PLCL1: variants seen among roughly 807,000 people sequenced by gnomAD.
PLCL1 encodes phospholipase C like 1 (inactive), also known as inactive phospholipase C-like protein 1.
Under a neutral mutation model 84.4 loss-of-function variants are expected in PLCL1, and 41 were observed. The ratio of observed to expected loss-of-function variants is 0.49; its 90% CI spans 0.38 to 0.63. The LOEUF is 0.63. Among genes scored for constraint, PLCL1 ranks in the 30% least tolerant of loss-of-function variants. The probability of loss-of-function intolerance (pLI) is 0.00; values close to 1 mark genes in which losing one functional copy is unlikely to be tolerated. For synonymous variants in PLCL1, 490 were observed against 488.3 expected (o/e 1.00, Z -0.05); for missense variants, 1,206 against 1,367.8 (o/e 0.88, Z 1.87).
chr2:198,098,246 C>T (rs1693249437), intron 3 of PLCL1, among the ~76,000 whole-genome samples: 2 of 152,174 alleles, frequency 1.3e-5, no homozygotes, highest in Non-Finnish European at 2.9e-5. Context: ...CAAGCAATAG[C>T]TTCTCCAAAG....
chr2:197,859,814 A>T (rs777063776), intron 1 of PLCL1, among the ~76,000 whole-genome samples: 1 of 152,212 alleles, frequency 6.6e-6, no homozygotes, highest in Non-Finnish European at 1.5e-5. Context: ...AATACATTCT[A>T]TGATATAAGC....
At chr2:197,825,200 A>G (rs1174751873) in intron 1 of PLCL1, among the ~76,000 whole-genome samples, 2 of 152,154 alleles carry the variant, frequency 1.3e-5, no homozygotes, top group Non-Finnish European at 2.9e-5. Context: ...TCTTTATGAA[A>G]GCATTCTGAA....
chr2:197,893,580 A>C (rs1688072870), intron 1 of PLCL1, among the ~76,000 whole-genome samples: 1 of 152,222 alleles, frequency 6.6e-6, no homozygotes, highest in Non-Finnish European at 1.5e-5. Flanking sequence ...AAATGTGAGA[A>C]GGCTGAGGCT....
At chr2:198,058,755 C>T (rs1692123474) in intron 1 of PLCL1, among the ~76,000 whole-genome samples, 2 of 151,886 alleles carry the variant, frequency 1.3e-5, no homozygotes, top group African/African-American at 2.4e-5. Context: ...AAAAATTCTC[C>T]GTTCTTTTTA....
intron 1 of PLCL1, among the ~76,000 whole-genome samples, chr2:198,034,524 A>G (rs565232767): frequency 6.6e-6 from 1 of 152,316 alleles, no homozygotes; most frequent in Admixed American, 6.5e-5. Flanking sequence ...GCACATATAC[A>G]CCATGAAATA....
intron 4 of PLCL1, 120 bp from the exon 5 acceptor site, chr2:198,103,707 A>G (rs1443467568): frequency 1.8e-6 from 1 of 559,796 alleles, no homozygotes; most frequent in African/African-American, 1.9e-5. Flanking sequence ...CAATTTAGGG[A>G]TTTGGAAATT....
intron 5 of PLCL1, among the ~76,000 whole-genome samples, chr2:198,130,434 A>G (rs1694092917): frequency 6.6e-6 from 1 of 151,930 alleles, no homozygotes; most frequent in South Asian, 2.1e-4. Context: ...GATTATCTTC[A>G]CCATGCTGTC....
At chr2:198,097,297 A>G (rs907305899) in intron 3 of PLCL1, among the ~76,000 whole-genome samples, 5 of 152,124 alleles carry the variant, frequency 3.3e-5, no homozygotes, top group Admixed American at 6.5e-5. Context: ...AGGAGTGGCA[A>G]AATTTCTACT....
chr2:197,924,910 T>C (rs1688805706), intron 1 of PLCL1, among the ~76,000 whole-genome samples: 1 of 152,070 alleles, frequency 6.6e-6, no homozygotes, highest in African/African-American at 2.4e-5. Flanking sequence ...TAGAATAAAG[T>C]GAAAGGAATG....
chr2:197,948,755 CCA>C (rs893785097), intron 1 of PLCL1, among the ~76,000 whole-genome samples: 1 of 152,082 alleles, frequency 6.6e-6, no homozygotes, highest in Non-Finnish European at 1.5e-5. Flanking sequence ...CATCAAATAT[CCA>C]GTGGTTAAAG....
In PLCL1 at chr2:197,993,307, C is replaced by T. The variant is rs115063246; in HGVS notation, c.241-90451C>T. ...TGCTTTTTGGCCATTTGTATATCTT[C>T]TTTGGAGAAATGTCTATTCAAGTCC... On this transcript the variant is annotated intron_variant, in intron 1 of 5. Coordinates refer to ENST00000428675, the MANE Select transcript of PLCL1 (RefSeq NM_006226.4). 2.9e-3 allele frequency among the ~76,000 whole-genome samples: 436 copies of T among 152,174 alleles called. 1 individual carries two copies. The highest frequency in any genetic ancestry group is 4.3e-3 in the Non-Finnish European group (290 of 68,008).
At position 197,929,657 on chromosome 2, in the gene PLCL1, A is replaced by G. The variant is rs144696015; in HGVS notation, c.240+124318A>G. 3.3e-3 allele frequency among the ~76,000 whole-genome samples: 499 copies of G among 152,304 alleles called. 2 individuals carry two copies. Among genetic ancestry groups the G allele is most frequent in the Middle Eastern group, 0.01 (3 of 294 alleles). On this transcript the variant is annotated intron_variant, in intron 1 of 5. Transcript: ENST00000428675. ...AAAGCTGGGCATTTGATGTGTTTTG[A>G]TTTTAGAACAGAGTACTGGACAGCT... is the stretch of plus-strand genomic sequence containing the variant.
rs1314896756 is a variant in PLCL1 at position 197,949,332 on chromosome 2, C to G, written c.241-134426C>G. ...ATTTGTGAATGAGCAGGTGGAATCT[C>G]TCCCTAGTCCAGGATGCTGTATCTG... On this transcript the variant is annotated intron_variant, in intron 1 of 5. Transcript: ENST00000428675. 2.6e-5 allele frequency among the ~76,000 whole-genome samples: 4 copies of G among 152,150 alleles called. No homozygotes were observed. The East Asian group carries it at 7.7e-4, about 29-fold the overall frequency.
intron 1 of PLCL1, among the ~76,000 whole-genome samples, chr2:197,953,426 T>C (rs184529211): frequency 1.3e-5 from 2 of 152,148 alleles, no homozygotes; most frequent in Non-Finnish European, 2.9e-5. Context: ...TGACTTAACC[T>C]AGCTGTGGAA....
chr2:197,916,027 C>G (rs1688592988), intron 1 of PLCL1, among the ~76,000 whole-genome samples: 1 of 152,186 alleles, frequency 6.6e-6, no homozygotes, highest in Non-Finnish European at 1.5e-5. Context: ...CATATTAGTG[C>G]TGCAACTTGG....
intron 1 of PLCL1, among the ~76,000 whole-genome samples, chr2:198,072,953 G>C (rs1692497983): frequency 6.6e-6 from 1 of 152,082 alleles, no homozygotes; most frequent in South Asian, 2.1e-4. Context: ...ACTTTAGCAT[G>C]CTTTATTTCC....
intron 1 of PLCL1, among the ~76,000 whole-genome samples, chr2:198,055,773 AAT>A (rs1429835343): frequency 6.6e-6 from 1 of 152,170 alleles, no homozygotes. Flanking sequence ...TTTCCTTTTA[AAT>A]AAATGATGAA....
At chr2:197,823,127 T>C (rs1310273938) in intron 1 of PLCL1, among the ~76,000 whole-genome samples, 2 of 152,144 alleles carry the variant, frequency 1.3e-5, no homozygotes, top group African/African-American at 4.8e-5. Flanking sequence ...TGGGCTCAAG[T>C]GATCCTCCCA....
rs551911238 is a variant in PLCL1 at position 197,810,900 on chromosome 2, AGACAGAGCTAAGAGGCAG to A, written c.240+5564_240+5581del. Among the ~76,000 whole-genome samples the A allele has an allele frequency of 7.7e-3, 1,173 of 152,342 alleles. 7 individuals are homozygous for A. Among genetic ancestry groups the A allele is most frequent in the Non-Finnish European group, 0.01 (692 of 68,030 alleles). ...AAAAACTATCCGACTTTAGATGACC[AGACAGAGCTAAGAGGCAG>A]GATCTCAGCAACAGTAAATGAGCCA... On this transcript the variant is annotated intron_variant, in intron 1 of 5. Coordinates refer to ENST00000428675, the MANE Select transcript of PLCL1 (RefSeq NM_006226.4).
Sources: gnomAD v4.1 joint callset for allele counts (sites outside exome capture counted in the v4.1 genomes callset) on GRCh38, gnomAD v4.1.1 for gene constraint, MANE v1.5 for transcripts, NCBI Gene and HGNC (gene_info 2026-07-23, HGNC 2026-07-21) for gene names.